The following DNAH7 variants were observed in gnomAD, a reference collection of about 807,000 sequenced individuals.
DNAH7 encodes dynein axonemal heavy chain 7.
A neutral mutation model predicts 444.6 loss-of-function variants in DNAH7; 397 were observed. That is an observed-to-expected ratio of 0.89 (90% CI 0.82 to 0.97). The LOEUF is 0.97. Ranked by LOEUF, DNAH7 falls within the 50% of genes least tolerant of loss-of-function variation. DNAH7 has a pLI of 0.00. For missense variants in DNAH7, 4,902 were observed against 4,800.8 expected (o/e 1.02, Z -0.62); for synonymous variants, 1,636 against 1,624.4 (o/e 1.01, Z -0.17).
chr2:196,032,498 C>T (rs1696121188), intron 5 of DNAH7, among the ~76,000 whole-genome samples: 1 of 152,138 alleles, frequency 6.6e-6, no homozygotes. Context: ...AGGAGGTTAT[C>T]TGAACAGCTT....
At chr2:196,066,591 C>T (rs998680891) in intron 1 of DNAH7, among the ~76,000 whole-genome samples, 1 of 152,100 alleles carries the variant, frequency 6.6e-6, no homozygotes, top group Admixed American at 6.6e-5. Context: ...ACTAAAAATG[C>T]CTTTTAAAGT....
intron 2 of DNAH7, among the ~76,000 whole-genome samples, chr2:196,052,399 G>A (rs1421042165): frequency 3.3e-5 from 5 of 152,186 alleles, no homozygotes; most frequent in African/African-American, 4.8e-5. Flanking sequence ...CTCCTCTGAA[G>A]TGAGATGTGT....
intron 19 of DNAH7, among the ~76,000 whole-genome samples, chr2:195,951,754 C>T (rs1030432289): frequency 3.3e-5 from 5 of 151,946 alleles, no homozygotes; most frequent in Non-Finnish European, 5.9e-5. Flanking sequence ...AGGATTGCAA[C>T]CTCTTTTTTT....
At chr2:196,045,175 GGAA>G (rs1697028458) in intron 5 of DNAH7, among the ~76,000 whole-genome samples, 1 of 147,664 alleles carries the variant, frequency 6.8e-6, no homozygotes, top group Non-Finnish European at 1.5e-5. Context: ...AGGAGGAGGA[GGAA>G]GAGAAGAGGA....
At chr2:195,996,777 T>C (rs1371737096) in intron 12 of DNAH7, among the ~76,000 whole-genome samples, 1 of 152,242 alleles carries the variant, frequency 6.6e-6, no homozygotes, top group Non-Finnish European at 1.5e-5. Flanking sequence ...AGATTTTATC[T>C]ATATTGTAAC....
Position 195,936,690 on chromosome 2 carries a change from A to C in DNAH7, c.3181T>G (p.Leu1061Val). The change falls in exon 20 of 65, where the codon TTG (leucine) becomes GTG (valine). Residue 1061 changes from leucine (L) to valine (V), a missense_variant. Physicochemically the swap from Leu to Val is conservative, Grantham distance 32 (BLOSUM62 1). Transcript: ENST00000312428. ...ELILKGLNEY[L>V]EKKRLFFPRF... ...GGGAAAAAGAGGCGTTTCTTTTCCAAATATTCATTAAGTCCTTTAAGAATG... is the reference window on the plus strand; with the variant it reads ...GGGAAAAAGAGGCGTTTCTTTTCCACATATTCATTAAGTCCTTTAAGAATG... 5.0e-6 allele frequency: 8 copies of C among 1,604,676 alleles called. No homozygotes were observed. Among genetic ancestry groups the C allele is most frequent in the Non-Finnish European group, 6.8e-6 (8 of 1,176,742 alleles).
chr2:195,751,676 G>T (rs151338075), intron 63 of DNAH7, among the ~76,000 whole-genome samples: 1 of 152,162 alleles, frequency 6.6e-6, no homozygotes, highest in African/African-American at 2.4e-5. Flanking sequence ...AACATGAGCC[G>T]TTCTAGAAAC....
At chr2:195,903,159 T>G (rs1193937408) in intron 27 of DNAH7, 1 of 152,114 alleles carries the variant, frequency 6.6e-6, no homozygotes. Context: ...TCTGCTCTAT[T>G]GGTGGAGGAA....
intron 48 of DNAH7, among the ~76,000 whole-genome samples, chr2:195,833,427 T>C (rs1698168774): frequency 6.6e-6 from 1 of 152,208 alleles, no homozygotes; most frequent in Non-Finnish European, 1.5e-5. Flanking sequence ...ACCTGGAATA[T>C]TTATTATGAT....
At position 196,059,429 on chromosome 2, in the gene DNAH7, C is replaced by T. The variant is rs148399802; in HGVS notation, c.16-1313G>A. 2.5e-3 allele frequency among the ~76,000 whole-genome samples: 376 copies of T among 152,292 alleles called. 1 individual carries two copies. The highest frequency in any genetic ancestry group is 8.5e-3 in the African/African-American group (354 of 41,560). ...AGTTGTCAATTTATTGCCTCAGCTC[C>T]AAATCTGCCTTTTTTGCCCTCCTTT... On this transcript the variant is annotated intron_variant, in intron 1 of 64. Transcript: ENST00000312428.
Position 195,816,963 on chromosome 2 carries a change from C to A in DNAH7, c.9426G>T (p.Arg3142Ser). The A allele has an allele frequency of 6.4e-7, 1 of 1,565,854 alleles. No individual in the cohort carries two copies. The highest frequency in any genetic ancestry group is 1.2e-5 in the South Asian group (1 of 82,972). Residue 3142 changes from arginine (R) to serine (S), a missense_variant and splice_region_variant, in exon 51 of 65, where the codon AGG (arginine) becomes AGT (serine). Transcript: ENST00000312428. Reference protein sequence around the residue: ...ALILQGAENKRQLKEIEDKIL... With the variant: ...ALILQGAENKSQLKEIEDKIL... The stretch of plus-strand genomic sequence containing the variant: ...TCTTGTCTTCTATTTCTTTTAACTG[C>A]CTGGAATAAAACAAAATTTTCTTAG...
chr2:195,906,736 G>C lies in DNAH7; in HGVS notation c.4258C>G (p.Leu1420Val). Residue 1420 changes from leucine (L) to valine (V), a missense_variant, in exon 27 of 65, where the codon CTT becomes GTT. Transcript: ENST00000312428. ...ILMFEGTELK[L>V]DPTCAVFITM... ...ATAAAGACAGCACATGTGGGGTCAA[G>C]TTTTAGTTCAGTTCCTTCAAACATC... 6.2e-7 allele frequency: 1 copy of C among 1,613,442 alleles called. No individual in the cohort carries two copies. Among genetic ancestry groups the C allele is most frequent in the Non-Finnish European group, 8.5e-7 (1 of 1,179,586 alleles).
intron 22 of DNAH7, among the ~76,000 whole-genome samples, chr2:195,926,101 T>C (rs1300549387): frequency 6.6e-6 from 1 of 152,148 alleles, no homozygotes; most frequent in Non-Finnish European, 1.5e-5. Context: ...TTCCTGCTAA[T>C]CTTTATGAGT....
At chr2:195,831,824 CAT>C (rs1574514117) in intron 48 of DNAH7, among the ~76,000 whole-genome samples, 1 of 152,250 alleles carries the variant, frequency 6.6e-6, no homozygotes, top group East Asian at 1.9e-4. Flanking sequence ...ATGATATACA[CAT>C]AAATAGAAAG....
At chr2:195,951,099 A>G (rs933735201) in intron 19 of DNAH7, among the ~76,000 whole-genome samples, 4 of 151,996 alleles carry the variant, frequency 2.6e-5, no homozygotes, top group Non-Finnish European at 5.9e-5. Context: ...TTCCCTCTAA[A>G]CACTGCTTTA....
At chr2:195,888,110 G>T in intron 33 of DNAH7, 148 bp downstream of exon 33, 1 of 654,324 alleles carries the variant, frequency 1.5e-6, no homozygotes, top group Non-Finnish European at 2.5e-6. Context: ...TGAACTGCAT[G>T]AATTCTAATC....
intron 21 of DNAH7, 84 bp downstream of exon 21, chr2:195,934,507 A>G: frequency 7.1e-7 from 1 of 1,399,700 alleles, no homozygotes; most frequent in Non-Finnish European, 9.9e-7. Context: ...CTGTTTAAAT[A>G]ACAGTACATT....
At chr2:196,058,927 C>G (rs574967128) in intron 1 of DNAH7, among the ~76,000 whole-genome samples, 2 of 152,292 alleles carry the variant, frequency 1.3e-5, no homozygotes, top group East Asian at 3.9e-4. Flanking sequence ...GATTTTACGA[C>G]TTACTACAAA....
chr2:196,051,034 A>T (rs1697432940), intron 3 of DNAH7, among the ~76,000 whole-genome samples, 153 bp downstream of exon 3: 1 of 152,268 alleles, frequency 6.6e-6, no homozygotes, highest in African/African-American at 2.4e-5. Context: ...TTACTAAGAT[A>T]GTTATTTGTC....
Sources: gnomAD v4.1 joint callset for allele counts (sites outside exome capture counted in the v4.1 genomes callset) on GRCh38, gnomAD v4.1.1 for gene constraint, MANE v1.5 for transcripts, NCBI Gene and HGNC (gene_info 2026-07-23, HGNC 2026-07-21) for gene names.